The following CCDC73 variants were observed in gnomAD, a reference collection of about 807,000 sequenced individuals.
The protein encoded by CCDC73 is coiled-coil domain containing 73, also known as coiled-coil domain-containing protein 73.
Under a neutral mutation model 116.5 loss-of-function variants are expected in CCDC73, and 95 were observed. That is an observed-to-expected ratio of 0.82 (90% confidence interval 0.69 to 0.97). The LOEUF is 0.97. Among genes scored for constraint, CCDC73 ranks in the 50% least tolerant of loss-of-function variants. CCDC73 has a pLI of 0.00. For synonymous variants in CCDC73, 398 were observed against 401.3 expected (o/e 0.99, Z 0.10); for missense variants, 1,066 against 1,206.8 (o/e 0.88, Z 1.73).
intron 2 of CCDC73, among the ~76,000 whole-genome samples, chr11:32,750,497 C>G (rs1467611422): frequency 2.6e-5 from 4 of 152,160 alleles, no homozygotes; most frequent in African/African-American, 9.7e-5. Flanking sequence ...AGTCAAAAAC[C>G]TAAGAAATCC....
chr11:32,637,840 A>T (rs1046171102), intron 13 of CCDC73, among the ~76,000 whole-genome samples: 1 of 152,158 alleles, frequency 6.6e-6, no homozygotes, highest in Non-Finnish European at 1.5e-5. Context: ...TCTTAAATCT[A>T]TATCTCCTCC....
chr11:32,731,465 A>C (rs1240500265), intron 2 of CCDC73, among the ~76,000 whole-genome samples: 4 of 152,308 alleles, frequency 2.6e-5, no homozygotes, highest in Non-Finnish European at 2.9e-5. Context: ...GACAGACTGC[A>C]TCAAGTGGGT....
the CCDC73 span, among the ~76,000 whole-genome samples, chr11:32,827,660 T>C: frequency 6.6e-6 from 1 of 152,160 alleles, no homozygotes; most frequent in Non-Finnish European, 1.5e-5. Flanking sequence ...TTCCACTCCA[T>C]GAAAATGTAT....
chr11:32,819,016 A>G, the CCDC73 span, among the ~76,000 whole-genome samples: 1 of 152,158 alleles, frequency 6.6e-6, no homozygotes, highest in Non-Finnish European at 1.5e-5. Context: ...TTGTAAATAA[A>G]CCATAAGCCC....
intron 2 of CCDC73, among the ~76,000 whole-genome samples, chr11:32,737,944 A>T (rs1201762286): frequency 6.6e-6 from 1 of 152,084 alleles, no homozygotes; most frequent in East Asian, 1.9e-4. Flanking sequence ...AGGACATGCA[A>T]AGTTTATCTT....
At chr11:32,744,926 T>G (rs1185021119) in intron 2 of CCDC73, among the ~76,000 whole-genome samples, 1 of 152,154 alleles carries the variant, frequency 6.6e-6, no homozygotes, top group Non-Finnish European at 1.5e-5. Flanking sequence ...CTGATCTTAG[T>G]TATTTCTTGT....
the CCDC73 span, among the ~76,000 whole-genome samples, chr11:32,822,527 A>G: frequency 6.6e-6 from 1 of 152,324 alleles, no homozygotes; most frequent in South Asian, 2.1e-4. Flanking sequence ...AGGAGGATGT[A>G]TTTACTAATT....
chr11:32,663,187 T>A (rs1295819311), intron 9 of CCDC73, among the ~76,000 whole-genome samples: 1 of 152,160 alleles, frequency 6.6e-6, no homozygotes, highest in Admixed American at 6.6e-5. Flanking sequence ...TTTGGTTCCA[T>A]ATGAACTTTA....
chr11:32,775,604 T>C (rs1361827265), intron 1 of CCDC73, among the ~76,000 whole-genome samples: 1 of 152,158 alleles, frequency 6.6e-6, no homozygotes, highest in Non-Finnish European at 1.5e-5. Flanking sequence ...TATAGCATAA[T>C]ACATGAGATT....
intron 2 of CCDC73, among the ~76,000 whole-genome samples, chr11:32,729,277 T>C (rs959871103): frequency 2.6e-5 from 4 of 152,214 alleles, no homozygotes; most frequent in African/African-American, 7.2e-5. Flanking sequence ...AGTGTTTGGT[T>C]TTCTGTTGCT....
intron 9 of CCDC73, among the ~76,000 whole-genome samples, chr11:32,671,188 C>A (rs1317778634): frequency 6.6e-6 from 1 of 152,080 alleles, no homozygotes; most frequent in Admixed American, 6.6e-5. Flanking sequence ...TCTCCTTCAC[C>A]CCTCCCTTTC....
chr11:32,757,513 C>T (rs1850354670), intron 2 of CCDC73, among the ~76,000 whole-genome samples: 2 of 152,044 alleles, frequency 1.3e-5, no homozygotes, highest in Non-Finnish European at 2.9e-5. Flanking sequence ...TAACAAATAA[C>T]AACAAACTTA....
At chr11:32,784,861 G>C (rs1850613293) in intron 1 of CCDC73, among the ~76,000 whole-genome samples, 1 of 152,170 alleles carries the variant, frequency 6.6e-6, no homozygotes. Context: ...TATGAAATCA[G>C]TTTAGTTTCT....
intron 2 of CCDC73, among the ~76,000 whole-genome samples, chr11:32,736,220 G>A (rs1279586240): frequency 6.6e-6 from 1 of 152,066 alleles, no homozygotes; most frequent in Non-Finnish European, 1.5e-5. Flanking sequence ...AGAGTGAACA[G>A]GCAACCTACA....
At chr11:32,712,061 T>C (rs1310367920) in intron 3 of CCDC73, among the ~76,000 whole-genome samples, 1 of 152,206 alleles carries the variant, frequency 6.6e-6, no homozygotes, top group Admixed American at 6.5e-5. Context: ...TGTTATTTAC[T>C]AAAAACACAT....
At chr11:32,605,167 T>C (rs563577041) in intron 17 of CCDC73, 1 of 151,422 alleles carries the variant, frequency 6.6e-6, no homozygotes, top group African/African-American at 2.4e-5. Flanking sequence ...ATACTTTTTT[T>C]TTTTTTTTTT....
the CCDC73 span, among the ~76,000 whole-genome samples, chr11:32,807,477 A>G: frequency 1.3e-5 from 2 of 152,184 alleles, no homozygotes; most frequent in Admixed American, 6.5e-5. Context: ...TTTGCATGCC[A>G]TACATAAAGT....
chr11:32,776,956 T>TAC (rs1483715390), intron 1 of CCDC73, among the ~76,000 whole-genome samples: 7 of 29,236 alleles, frequency 2.4e-4, no homozygotes, highest in Non-Finnish European at 4.7e-4. Context: ...TATATATATA[T>TAC]ATATACACAC....
intron 6 of CCDC73, among the ~76,000 whole-genome samples, chr11:32,695,774 T>TAAA (rs59419534): frequency 0.19 from 24,966 of 129,130 alleles, 3,233 homozygotes; most frequent in East Asian, 0.64. Flanking sequence ...AGTTTGGTTG[T>TAAA]AAAAAAAAAA....
Sources: gnomAD v4.1 joint callset for allele counts (sites outside exome capture counted in the v4.1 genomes callset) on GRCh38, gnomAD v4.1.1 for gene constraint, MANE v1.5 for transcripts, NCBI Gene and HGNC (gene_info 2026-07-23, HGNC 2026-07-21) for gene names.